MNS1: variants seen among roughly 807,000 people sequenced by gnomAD.
MNS1 encodes the protein meiosis-specific nuclear structural protein 1.
In MNS1, 63 loss-of-function variants were observed where a neutral mutation model predicts 72.0. That is an observed-to-expected ratio of 0.87 (90% confidence interval 0.71 to 1.08). MNS1 has a LOEUF of 1.08. Ranked by LOEUF, MNS1 falls within the 50% of genes least tolerant of loss-of-function variation. The probability of loss-of-function intolerance (pLI) is 0.00; values close to 1 mark genes in which losing one functional copy is unlikely to be tolerated. For synonymous variants in MNS1, 188 were observed against 172.1 expected (o/e 1.09, Z -0.72); for missense variants, 604 against 562.4 (o/e 1.07, Z -0.75).
At chr15:56,436,672 G>A (rs2050731086) in intron 7 of MNS1, among the ~76,000 whole-genome samples, 1 of 152,068 alleles carries the variant, frequency 6.6e-6, no homozygotes, top group Non-Finnish European at 1.5e-5. Flanking sequence ...CCAGGAGCTG[G>A]TTTTCTGAGA....
At position 56,428,830 on chromosome 15, in the gene MNS1, C is replaced by T. The variant is rs1236495547; in HGVS notation, c.*271G>A. On this transcript the variant is annotated 3_prime_UTR_variant, in exon 10 of 10. Transcript: ENST00000260453. ...CTTTGGGGTAGAGTTCTGTATTAGT[C>T]AAGGTAAATATACTGTCTTGAGGAT... 5.9e-5 allele frequency: 23 copies of T among 390,526 alleles called. No homozygotes were observed. Among genetic ancestry groups the T allele is most frequent in the Admixed American group, 3.0e-4 (7 of 23,186 alleles). 24.2% of individuals were successfully genotyped at this position (390,526 alleles called of 1,614,324 possible).
chr15:56,431,530 A>C, intron 8 of MNS1, 32 bp from the exon 9 acceptor site: 1 of 1,611,468 alleles, frequency 6.2e-7, no homozygotes, highest in Non-Finnish European at 8.5e-7. Flanking sequence ...TGTTATCACA[A>C]AGTACATTAA....
intron 3 of MNS1, chr15:56,447,802 T>A (rs1426555053): frequency 3.3e-5 from 5 of 152,128 alleles, no homozygotes; most frequent in Non-Finnish European, 5.9e-5. Context: ...GTGGTACCTC[T>A]CTTCTACCCC....
chr15:56,429,275 T>TA (rs372776697), intron 9 of MNS1, 82 bp from the exon 10 acceptor site: 1 of 842,248 alleles, frequency 1.2e-6, no homozygotes. Context: ...GACATAAGAT[T>TA]AGTAAAGTTA....
chr15:56,465,088 G>T lies in MNS1; in HGVS notation c.-116C>A. The T allele has an allele frequency of 7.0e-7, 1 of 1,438,476 alleles. No individual in the cohort carries two copies. Among genetic ancestry groups the T allele is most frequent in the Non-Finnish European group, 9.5e-7 (1 of 1,054,964 alleles). 89.1% of individuals were successfully genotyped at this position (1,438,476 alleles called of 1,614,324 possible). On this transcript the variant is annotated 5_prime_UTR_variant, in exon 1 of 10. Coordinates refer to ENST00000260453, the MANE Select transcript of MNS1 (RefSeq NM_018365.4). The stretch of plus-strand genomic sequence containing the variant: ...TGGCTGCGCGCGCTCGGGTGTTTAC[G>T]CGGCGTCTTGGCAACGGTGGAGCTG...
At chr15:56,457,813 CTT>C (rs776591652) in intron 2 of MNS1, among the ~76,000 whole-genome samples, 13 of 150,100 alleles carry the variant, frequency 8.7e-5, no homozygotes, top group Non-Finnish European at 1.5e-4. Context: ...GACCCTGTCT[CTT>C]AAAAAAAAAA....
At chr15:56,462,818 A>C (rs1356863) in intron 2 of MNS1, among the ~76,000 whole-genome samples, 5,057 of 152,306 alleles carry the variant, frequency 0.033, 210 homozygotes, top group East Asian at 0.14. Flanking sequence ...CCATGTAAGA[A>C]AACATCCATA....
chr15:56,432,020 C>G (rs191880444), intron 8 of MNS1, among the ~76,000 whole-genome samples: 81 of 152,168 alleles, frequency 5.3e-4, no homozygotes, highest in African/African-American at 1.8e-3. Context: ...ATGACTTGAA[C>G]TACGTGAAAG....
rs914370879 is a variant in MNS1 at position 56,451,534 on chromosome 15, G to A, written c.354-4591C>T. ...GGGCTGGGAGGAGAGACAGGAGCTG[G>A]GAGCTGCCTACTCTGCTATTTTGCT... On this transcript the variant is annotated intron_variant, in intron 3 of 9. Coordinates refer to ENST00000260453, the MANE Select transcript of MNS1 (RefSeq NM_018365.4). Among the ~76,000 whole-genome samples, 4 of 152,198 alleles carry A rather than the reference G, an allele frequency of 2.6e-5. No individual in the cohort carries two copies. In the Middle Eastern group the frequency reaches 0.01, roughly 388 times the overall value.
At chr15:56,440,106 TGAA>T (rs751193114) in intron 7 of MNS1, among the ~76,000 whole-genome samples, 2 of 151,952 alleles carry the variant, frequency 1.3e-5, no homozygotes, top group African/African-American at 2.4e-5. Context: ...GCAAAAGACA[TGAA>T]GAACTATTTC....
chr15:56,457,406 A>G (rs2050988336), intron 2 of MNS1, among the ~76,000 whole-genome samples: 1 of 152,244 alleles, frequency 6.6e-6, no homozygotes, highest in South Asian at 2.1e-4. Flanking sequence ...TACCTATTGG[A>G]ATGGCTAAAA....
chr15:56,443,033 A>C (rs756763916), intron 7 of MNS1, among the ~76,000 whole-genome samples: 13 of 152,108 alleles, frequency 8.5e-5, no homozygotes, highest in Non-Finnish European at 1.5e-4. Context: ...TAGGACTATG[A>C]CATCTTCTAG....
At chr15:56,438,325 A>T (rs770427014) in intron 7 of MNS1, among the ~76,000 whole-genome samples, 29 of 151,988 alleles carry the variant, frequency 1.9e-4, no homozygotes, top group Non-Finnish European at 3.7e-4. Flanking sequence ...ATCTACAACC[A>T]TCTGCTCTTT....
rs550110077 is a variant in MNS1, at chr15:56,428,864, A to T, written c.*237T>A. Reference sequence around the variant, plus strand: ...TATACTGTCTTGAGGATGGGGATGCAAACAGTGCTCTGTAGTGTTGTAGAA... The same window carrying T: ...TATACTGTCTTGAGGATGGGGATGCTAACAGTGCTCTGTAGTGTTGTAGAA... On this transcript the variant is annotated 3_prime_UTR_variant, in exon 10 of 10. Transcript: ENST00000260453. 6.7e-6 allele frequency: 3 copies of T among 446,564 alleles called. No individual in the cohort carries two copies. The highest frequency in any genetic ancestry group is 1.2e-5 in the Non-Finnish European group (3 of 255,250). 27.7% of individuals were successfully genotyped at this position (446,564 alleles called of 1,614,324 possible).
chr15:56,433,131 G>A (rs1255421436), intron 8 of MNS1, among the ~76,000 whole-genome samples: 1 of 151,864 alleles, frequency 6.6e-6, no homozygotes, highest in Non-Finnish European at 1.5e-5. Context: ...AGAATTATTT[G>A]CACCCTCAAA....
chr15:56,440,488 T>C (rs1178708009), intron 7 of MNS1, among the ~76,000 whole-genome samples: 22 of 152,246 alleles, frequency 1.4e-4, no homozygotes, highest in African/African-American at 5.3e-4. Context: ...GAAATGAAAA[T>C]TGATGTTTAT....
intron 3 of MNS1, among the ~76,000 whole-genome samples, chr15:56,452,994 G>A (rs2050957820): frequency 6.6e-6 from 1 of 152,000 alleles, no homozygotes; most frequent in Non-Finnish European, 1.5e-5. Context: ...GAGTTTTTTG[G>A]AATAATCAAT....
intron 7 of MNS1, among the ~76,000 whole-genome samples, chr15:56,437,158 C>CA (rs199779254): frequency 0.014 from 2,164 of 151,330 alleles, 46 homozygotes; most frequent in African/African-American, 0.043. Context: ...AGAGACACCA[C>CA]AAAAAAAAGA....
chr15:56,448,586 G>C (rs1360651475), intron 3 of MNS1, among the ~76,000 whole-genome samples: 2 of 152,106 alleles, frequency 1.3e-5, no homozygotes, highest in Non-Finnish European at 2.9e-5. Flanking sequence ...TATGTCTGTA[G>C]AGTATTCCGT....
Sources: gnomAD v4.1 joint callset for allele counts (sites outside exome capture counted in the v4.1 genomes callset) on GRCh38, gnomAD v4.1.1 for gene constraint, MANE v1.5 for transcripts, NCBI Gene and HGNC (gene_info 2026-07-23, HGNC 2026-07-21) for gene names.